FGD6: variants seen among roughly 807,000 people sequenced by gnomAD.
FGD6 encodes the protein FYVE, RhoGEF and PH domain containing 6.
Under a neutral mutation model 149.4 loss-of-function variants are expected in FGD6, and 90 were observed. The ratio of observed to expected loss-of-function variants is 0.60; its 90% CI spans 0.51 to 0.72. FGD6 has a LOEUF of 0.72. Ranked by LOEUF, FGD6 falls within the 30% of genes least tolerant of loss-of-function variation. The pLI, the probability that FGD6 is intolerant of heterozygous loss-of-function variation, is 0.00. For missense variants in FGD6, 1,437 were observed against 1,684.8 expected (o/e 0.85, Z 2.57); for synonymous variants, 527 against 584.0 (o/e 0.90, Z 1.41).
intron 19 of FGD6, 113 bp downstream of exon 19, chr12:95,085,666 CA>C: frequency 7.7e-7 from 1 of 1,296,478 alleles, no homozygotes; most frequent in Non-Finnish European, 1.0e-6. Flanking sequence ...CTCCCCCATC[CA>C]AAAGCAAAGC....
chr12:95,217,143 G>A (rs1338208091), intron 1 of FGD6, 82 bp downstream of exon 1: 2 of 1,590,566 alleles, frequency 1.3e-6, no homozygotes, highest in Non-Finnish European at 1.7e-6. Flanking sequence ...CGCCCACCCC[G>A]GCGAAGAAAG....
At chr12:95,114,046 T>A in intron 8 of FGD6, among the ~76,000 whole-genome samples, 1 of 152,156 alleles carries the variant, frequency 6.6e-6, no homozygotes, top group East Asian at 1.9e-4. Context: ...TCCCAACACA[T>A]AGGAAGTACT....
At chr12:95,158,986 T>C (rs1187688765) in intron 3 of FGD6, among the ~76,000 whole-genome samples, 1 of 152,152 alleles carries the variant, frequency 6.6e-6, no homozygotes, top group East Asian at 1.9e-4. Flanking sequence ...CCAAATAATG[T>C]GACATCCCTT....
intron 3 of FGD6, among the ~76,000 whole-genome samples, chr12:95,161,801 A>G (rs1219233167): frequency 6.6e-6 from 1 of 152,144 alleles, no homozygotes; most frequent in East Asian, 1.9e-4. Context: ...TTTGATAGCA[A>G]AGTTAATAAG....
intron 14 of FGD6, among the ~76,000 whole-genome samples, chr12:95,096,605 GT>G: frequency 6.6e-6 from 1 of 152,264 alleles, no homozygotes; most frequent in Non-Finnish European, 1.5e-5. Context: ...ATGTCACCAT[GT>G]CTCACCCTCA....
At chr12:95,180,239 T>C (rs1881243846) in intron 2 of FGD6, among the ~76,000 whole-genome samples, 1 of 152,160 alleles carries the variant, frequency 6.6e-6, no homozygotes, top group Non-Finnish European at 1.5e-5. Context: ...AAAAAGTGTG[T>C]ATATTTGTGT....
intron 8 of FGD6, among the ~76,000 whole-genome samples, chr12:95,119,053 G>A (rs1879107041): frequency 6.6e-6 from 1 of 152,052 alleles, no homozygotes; most frequent in Admixed American, 6.6e-5. Context: ...AGGCCGAGGT[G>A]GGAGGATACA....
chr12:95,212,276 A>G (rs1335364561), intron 1 of FGD6, among the ~76,000 whole-genome samples: 1 of 152,216 alleles, frequency 6.6e-6, no homozygotes, highest in Admixed American at 6.5e-5. Flanking sequence ...TAAGTTCCAC[A>G]GGTTATGTTG....
chr12:95,141,974 A>G (rs1879860745), intron 5 of FGD6, among the ~76,000 whole-genome samples: 1 of 151,922 alleles, frequency 6.6e-6, no homozygotes, highest in African/African-American at 2.4e-5. Context: ...TTCAGTCATC[A>G]TTTCCCAACA....
At chr12:95,181,063 C>G (rs1323754862) in intron 2 of FGD6, among the ~76,000 whole-genome samples, 4 of 152,108 alleles carry the variant, frequency 2.6e-5, no homozygotes, top group Admixed American at 6.6e-5. Context: ...ACGGCTTTCC[C>G]TTACTGCCGA....
chr12:95,120,466 C>A (rs1191691877), intron 8 of FGD6, among the ~76,000 whole-genome samples: 1 of 151,762 alleles, frequency 6.6e-6, no homozygotes, highest in Non-Finnish European at 1.5e-5. Flanking sequence ...GGAGGTGGAT[C>A]ACCTGAGGTC....
At chr12:95,106,858 C>T (rs1878641201) in intron 13 of FGD6, 96 bp downstream of exon 13, 4 of 972,246 alleles carry the variant, frequency 4.1e-6, no homozygotes, top group Non-Finnish European at 6.4e-6. Context: ...TGTACCACTG[C>T]ACTCCAGCCT....
intron 5 of FGD6, among the ~76,000 whole-genome samples, chr12:95,145,648 T>C (rs1343691774): frequency 6.6e-6 from 1 of 152,142 alleles, no homozygotes; most frequent in African/African-American, 2.4e-5. Context: ...TCTCCACTAC[T>C]GCAAAATCCC....
At chr12:95,201,992 ACACACACATCT>A (rs1268599745) in intron 2 of FGD6, among the ~76,000 whole-genome samples, 8 of 118,738 alleles carry the variant, frequency 6.7e-5, no homozygotes, top group East Asian at 2.4e-4. Context: ...ACACACACAC[ACACACACATCT>A]TCTTCTTCCA....
chr12:95,188,750 T>C (rs1881513317), intron 2 of FGD6, among the ~76,000 whole-genome samples: 1 of 152,128 alleles, frequency 6.6e-6, no homozygotes, highest in African/African-American at 2.4e-5. Context: ...CCCCATTCTC[T>C]CTTCTCCAAG....
intron 8 of FGD6, among the ~76,000 whole-genome samples, chr12:95,123,853 C>T (rs1031561456): frequency 2.7e-5 from 4 of 147,958 alleles, no homozygotes; most frequent in Non-Finnish European, 4.5e-5. Context: ...TGAGCCACCA[C>T]GCCCGGCCAA....
intron 3 of FGD6, among the ~76,000 whole-genome samples, chr12:95,171,538 C>T (rs1271140316): frequency 6.6e-6 from 1 of 152,112 alleles, no homozygotes; most frequent in Non-Finnish European, 1.5e-5. Flanking sequence ...TTTTTTGAGA[C>T]GGAGTCTCAC....
At chr12:95,197,588 TTAA>T (rs1186834254) in intron 2 of FGD6, among the ~76,000 whole-genome samples, 2 of 152,212 alleles carry the variant, frequency 1.3e-5, no homozygotes. Flanking sequence ...TTTCCCTAAG[TTAA>T]TAAGGGTATT....
intron 9 of FGD6, among the ~76,000 whole-genome samples, chr12:95,113,203 A>T (rs1001830119): frequency 3.3e-5 from 5 of 150,976 alleles, no homozygotes; most frequent in Non-Finnish European, 7.4e-5. Flanking sequence ...AATCTGCTCA[A>T]AATGGAGTTT....
Sources: gnomAD v4.1 joint callset for allele counts (sites outside exome capture counted in the v4.1 genomes callset) on GRCh38, gnomAD v4.1.1 for gene constraint, MANE v1.5 for transcripts, NCBI Gene and HGNC (gene_info 2026-07-23, HGNC 2026-07-21) for gene names.